Variants in PSEN1 observed in about 807,000 individuals in gnomAD.
PSEN1 encodes presenilin 1, also known as presenilin-1.
PSEN1 carries 15 observed loss-of-function variants against 53.5 expected under a neutral mutation model. The observed-to-expected ratio is 0.28, with a 90% CI of 0.19 to 0.43. The LOEUF is 0.43. PSEN1 is among the 20% of genes least tolerant of loss of function. The pLI is 1.00. For synonymous variants in PSEN1, 208 were observed against 209.8 expected, an observed-to-expected ratio of 0.99 and a Z score of 0.08; for missense variants, 387 against 571.2, an observed-to-expected ratio of 0.68 and a Z score of 3.29.
Position 73,142,077 on chromosome 14 carries a change from AAAAG to A in PSEN1, c.-136+5498_-136+5501del, listed in dbSNP as rs563166016. Among the ~76,000 whole-genome samples the A allele has an allele frequency of 4.6e-5, 7 of 151,928 alleles. No individual in the cohort carries two copies. The South Asian group carries it at 6.2e-4, about 13-fold the overall frequency. ...GGGAGACTCCGTCTCAAAAAAAAAA[AAAAG>A]AAAAGAAACTACATCTCAATAATAA... On this transcript the variant is annotated intron_variant, in intron 1 of 11. Coordinates refer to ENST00000324501, the MANE Select transcript of PSEN1 (RefSeq NM_000021.4).
intron 1 of PSEN1, 149 bp downstream of exon 1, chr14:73,136,732 C>T (rs1369563454): frequency 6.6e-6 from 1 of 152,240 alleles, no homozygotes. Flanking sequence ...GCTGGGGAAC[C>T]CCGTGTGGGA....
intron 7 of PSEN1, among the ~76,000 whole-genome samples, chr14:73,195,040 C>G (rs1898884272): frequency 6.6e-6 from 1 of 152,190 alleles, no homozygotes; most frequent in Non-Finnish European, 1.5e-5. Context: ...TATACTCTCT[C>G]TGACTTTCAT....
At position 73,186,819 on chromosome 14, in the gene PSEN1, C is replaced by T. The variant is rs192093348; in HGVS notation, c.481-34C>T. Reference sequence around the variant, plus strand: ...TCTGTACTTTTTAAGGGTTGTGGGACCTGTTAATTATATTGAAATGCTTTC... The same window carrying T: ...TCTGTACTTTTTAAGGGTTGTGGGATCTGTTAATTATATTGAAATGCTTTC... On this transcript the variant is annotated intron_variant, in intron 5 of 11. Coordinates refer to ENST00000324501, the MANE Select transcript of PSEN1 (RefSeq NM_000021.4). The T allele has an allele frequency of 3.3e-6, 5 of 1,527,838 alleles. No individual in the cohort carries two copies. The African/African-American group carries it at 6.8e-5, about 21-fold the overall frequency. The allele number at this position is 1,527,838 out of a possible 1,614,324, so 94.6% of individuals were successfully genotyped here. A position where few individuals can be genotyped will look rare whatever the true frequency, so the allele number is the denominator to read the frequency against.
intron 9 of PSEN1, chr14:73,208,899 G>T (rs1252080393): frequency 4.4e-6 from 2 of 454,778 alleles, no homozygotes; most frequent in Admixed American, 4.7e-5. Flanking sequence ...ATGCCAAAGG[G>T]TGCCTGCAGG....
chr14:73,163,256 A>G (rs1188597305), intron 3 of PSEN1, among the ~76,000 whole-genome samples: 1 of 152,226 alleles, frequency 6.6e-6, no homozygotes, highest in Non-Finnish European at 1.5e-5. Context: ...GTGAACTACA[A>G]ATCTCTGAAA....
At chr14:73,160,323 C>T (rs1319180005) in intron 3 of PSEN1, among the ~76,000 whole-genome samples, 1 of 152,246 alleles carries the variant, frequency 6.6e-6, no homozygotes, top group Non-Finnish European at 1.5e-5. Context: ...CACTTCGTGG[C>T]TATACTGAAT....
intron 5 of PSEN1, chr14:73,173,976 C>G (rs950425149): frequency 1.2e-5 from 7 of 591,702 alleles, no homozygotes; most frequent in African/African-American, 5.6e-5. Context: ...GTAGCAAGAC[C>G]CTGCCTCTAT....
chr14:73,187,538 G>C (rs1449830849), intron 6 of PSEN1, among the ~76,000 whole-genome samples: 3 of 152,058 alleles, frequency 2.0e-5, no homozygotes, highest in Non-Finnish European at 4.4e-5. Context: ...ACAGACAGAA[G>C]AAGCAAATAT....
chr14:73,184,736 CG>C (rs1205507848), intron 5 of PSEN1, among the ~76,000 whole-genome samples: 10 of 149,392 alleles, frequency 6.7e-5, no homozygotes, highest in South Asian at 4.3e-4. Flanking sequence ...GCTGGCCTGG[CG>C]GGGGGCTGAC....
chr14:73,169,622 A>T (rs989797417), intron 3 of PSEN1, among the ~76,000 whole-genome samples: 3 of 152,040 alleles, frequency 2.0e-5, no homozygotes, highest in Non-Finnish European at 2.9e-5. Flanking sequence ...CAAGTTTGCT[A>T]AAAACGAAAC....
At chr14:73,153,101 A>G (rs1897271157) in intron 3 of PSEN1, among the ~76,000 whole-genome samples, 1 of 152,220 alleles carries the variant, frequency 6.6e-6, no homozygotes, top group African/African-American at 2.4e-5. Context: ...AAGGACCTTG[A>G]GGAGAAAAAA....
chr14:73,161,277 A>G (rs1448601060), intron 3 of PSEN1, among the ~76,000 whole-genome samples: 2 of 152,000 alleles, frequency 1.3e-5, no homozygotes, highest in East Asian at 3.9e-4. Context: ...ACCCAGCCTG[A>G]TTTGCAGATA....
At chr14:73,146,058 A>T (rs1897060892) in intron 1 of PSEN1, 1 of 152,098 alleles carries the variant, frequency 6.6e-6, no homozygotes, top group Non-Finnish European at 1.5e-5. Flanking sequence ...AGTGAGCGAG[A>T]TCGTGCCACT....
At chr14:73,158,033 C>T (rs528374682) in intron 3 of PSEN1, among the ~76,000 whole-genome samples, 1 of 151,860 alleles carries the variant, frequency 6.6e-6, no homozygotes, top group South Asian at 2.1e-4. Context: ...TTTCTTTCAG[C>T]ATAATTATTT....
intron 8 of PSEN1, 173 bp from the exon 9 acceptor site, chr14:73,206,213 C>T (rs1225801657): frequency 3.1e-6 from 2 of 640,658 alleles, no homozygotes; most frequent in African/African-American, 3.6e-5. Flanking sequence ...AACTTCTTCT[C>T]TTACCTGCTA....
At chr14:73,201,773 G>T (rs958963238) in intron 8 of PSEN1, among the ~76,000 whole-genome samples, 1 of 152,112 alleles carries the variant, frequency 6.6e-6, no homozygotes, top group African/African-American at 2.4e-5. Flanking sequence ...TTGAAACAGA[G>T]TCTTGCTCTG....
At chr14:73,175,374 A>C (rs921816478) in intron 5 of PSEN1, among the ~76,000 whole-genome samples, 3 of 150,952 alleles carry the variant, frequency 2.0e-5, no homozygotes, top group Non-Finnish European at 2.9e-5. Flanking sequence ...TGATCCACCC[A>C]CCTCGGCCTC....
intron 3 of PSEN1, among the ~76,000 whole-genome samples, chr14:73,158,840 A>G (rs960530318): frequency 6.6e-6 from 1 of 152,228 alleles, no homozygotes; most frequent in Non-Finnish European, 1.5e-5. Flanking sequence ...CAGCAGTATG[A>G]GTTCCAGTTC....
intron 7 of PSEN1, among the ~76,000 whole-genome samples, chr14:73,196,548 AC>A (rs1218703875): frequency 7.6e-6 from 1 of 132,126 alleles, no homozygotes; most frequent in Admixed American, 9.5e-5. Flanking sequence ...ATCTTGGCTC[AC>A]TGCAGCCTCC....
Sources: gnomAD v4.1 joint callset for allele counts (sites outside exome capture counted in the v4.1 genomes callset) on GRCh38, gnomAD v4.1.1 for gene constraint, MANE v1.5 for transcripts, NCBI Gene and HGNC (gene_info 2026-07-23, HGNC 2026-07-21) for gene names.